Variants in NMBR observed in about 807,000 individuals in gnomAD.
NMBR encodes neuromedin-B receptor.
Under a neutral mutation model 20.5 loss-of-function variants are expected in NMBR, and 16 were observed. The ratio of observed to expected loss-of-function variants is 0.78; its 90% CI spans 0.53 to 1.19. The LOEUF (loss-of-function observed/expected upper bound fraction) is 1.19. NMBR is among the 50% of genes most tolerant of loss of function. The pLI is 0.00. For missense variants in NMBR, 582 were observed against 499.1 expected (o/e 1.17, Z -1.58); for synonymous variants, 212 against 196.6 (o/e 1.08, Z -0.65).
chr6:142,077,635 C>T (rs1349068032), intron 3 of NMBR, among the ~76,000 whole-genome samples: 1 of 152,140 alleles, frequency 6.6e-6, no homozygotes, highest in Non-Finnish European at 1.5e-5. Context: ...ACCTTCCATG[C>T]AAGAAAACTT....
At chr6:142,080,695 CT>C (rs1777077074) in intron 2 of NMBR, among the ~76,000 whole-genome samples, 1 of 152,112 alleles carries the variant, frequency 6.6e-6, no homozygotes, top group African/African-American at 2.4e-5. Context: ...GCTGTAATCT[CT>C]CCCAATAAAT....
intron 1 of NMBR, among the ~76,000 whole-genome samples, chr6:142,117,802 A>G (rs543891484): frequency 6.6e-6 from 1 of 152,120 alleles, no homozygotes; most frequent in South Asian, 2.1e-4. Flanking sequence ...GTTATAGTAT[A>G]CTTCTTTGCC....
In NMBR at chr6:142,082,367, A is replaced by G. The variant is rs372159682; in HGVS notation, c.423-3464T>C. ...GAGCAACAAGGAGATCCTTATTAGGAGCAATTGTGGTAAAGTGGGTGGGAG... is the reference window on the plus strand; with the variant it reads ...GAGCAACAAGGAGATCCTTATTAGGGGCAATTGTGGTAAAGTGGGTGGGAG... On this transcript the variant is annotated intron_variant, in intron 2 of 3. Transcript: ENST00000258042. 8.7e-4 allele frequency among the ~76,000 whole-genome samples: 133 copies of G among 152,276 alleles called. No homozygotes were observed. In the South Asian group the frequency reaches 0.01, roughly 12 times the overall value.
chr6:142,101,015 G>A (rs181673013), intron 1 of NMBR, among the ~76,000 whole-genome samples: 1 of 152,196 alleles, frequency 6.6e-6, no homozygotes, highest in African/African-American at 2.4e-5. Context: ...TCACAAATCA[G>A]GTAGCCTCCT....
intron 2 of NMBR, among the ~76,000 whole-genome samples, chr6:142,081,567 A>C (rs2114558519): frequency 6.6e-6 from 1 of 152,340 alleles, no homozygotes; most frequent in Non-Finnish European, 1.5e-5. Context: ...AAACAGAATT[A>C]GAGTTGAAAA....
intron 2 of NMBR, among the ~76,000 whole-genome samples, chr6:142,087,225 T>C (rs1777216251): frequency 1.3e-5 from 2 of 152,186 alleles, no homozygotes; most frequent in South Asian, 2.1e-4. Context: ...GAAATTCAGA[T>C]ACAGACTTAT....
intron 1 of NMBR, among the ~76,000 whole-genome samples, chr6:142,119,743 CA>C (rs555147057): frequency 4.3e-4 from 65 of 151,892 alleles, no homozygotes; most frequent in Non-Finnish European, 8.1e-4. Context: ...GTATCCAATA[CA>C]ATAAAAATAA....
Position 142,136,085 on chromosome 6 carries a change from G to T in NMBR, c.-664+10959C>A, listed in dbSNP as rs1582864796. 3.3e-5 allele frequency among the ~76,000 whole-genome samples: 5 copies of T among 152,242 alleles called. No individual in the cohort carries two copies. In the East Asian group the frequency reaches 5.8e-4, roughly 18 times the overall value. On this transcript the variant is annotated intron_variant, in intron 1 of 3. Transcript: ENST00000258042. ...GGAATCGCCACACTGACTTCCACAAGGGTTGAACTAGTTTACAGTCCCACC... is the reference window on the plus strand; with the variant it reads ...GGAATCGCCACACTGACTTCCACAATGGTTGAACTAGTTTACAGTCCCACC...
At chr6:142,110,337 T>TTCATTA (rs1157708731) in intron 1 of NMBR, among the ~76,000 whole-genome samples, 1 of 152,084 alleles carries the variant, frequency 6.6e-6, no homozygotes, top group Non-Finnish European at 1.5e-5. Context: ...AATCAACTAA[T>TTCATTA]GAATGGATTA....
intron 2 of NMBR, among the ~76,000 whole-genome samples, chr6:142,081,264 T>A (rs1777089348): frequency 6.6e-6 from 1 of 152,168 alleles, no homozygotes; most frequent in African/African-American, 2.4e-5. Flanking sequence ...GGAGTAGGAT[T>A]TCAACATATG....
intron 1 of NMBR, among the ~76,000 whole-genome samples, chr6:142,140,730 A>T (rs142708747): frequency 5.1e-4 from 78 of 152,296 alleles, no homozygotes; most frequent in African/African-American, 1.8e-3. Context: ...ATAGAAAATA[A>T]ATGGGAAAAG....
At chr6:142,110,928 G>A (rs544448035) in intron 1 of NMBR, among the ~76,000 whole-genome samples, 53 of 152,146 alleles carry the variant, frequency 3.5e-4, no homozygotes, top group African/African-American at 1.2e-3. Context: ...AAATAAAATC[G>A]AATTAGACAT....
chr6:142,088,151 G>T, intron 2 of NMBR, 86 bp downstream of exon 2: 5 of 1,357,046 alleles, frequency 3.7e-6, no homozygotes. Flanking sequence ...GCGTCCTTCT[G>T]CCAGTAGGTG....
intron 1 of NMBR, among the ~76,000 whole-genome samples, chr6:142,105,393 T>G (rs1010589131): frequency 6.6e-6 from 1 of 152,194 alleles, no homozygotes; most frequent in African/African-American, 2.4e-5. Context: ...AATTCTAGTT[T>G]TATGTTGTGT....
chr6:142,124,301 C>A (rs1214413106), intron 1 of NMBR, among the ~76,000 whole-genome samples: 1 of 151,850 alleles, frequency 6.6e-6, no homozygotes, highest in Non-Finnish European at 1.5e-5. Flanking sequence ...CAAGTTTATA[C>A]CTATTTGGTA....
chr6:142,085,322 G>A (rs894314517), intron 2 of NMBR, among the ~76,000 whole-genome samples: 1 of 152,108 alleles, frequency 6.6e-6, no homozygotes, highest in African/African-American at 2.4e-5. Context: ...TCAGCAGTTC[G>A]AGACCAGCCT....
chr6:142,101,460 A>T lies in NMBR; in HGVS notation c.-663-12139T>A, dbSNP rs78103095. ...TTGGTCTCAAAACCCATTGGGAAATAGCAGAACAGTGGGTTTTTTAAGGTT... is the reference window on the plus strand; with the variant it reads ...TTGGTCTCAAAACCCATTGGGAAATTGCAGAACAGTGGGTTTTTTAAGGTT... On this transcript the variant is annotated intron_variant, in intron 1 of 3. Coordinates refer to ENST00000258042, the MANE Select transcript of NMBR (RefSeq NM_002511.4). Among the ~76,000 whole-genome samples, 43 of 152,322 alleles carry T rather than the reference A, an allele frequency of 2.8e-4. No homozygotes were observed. The East Asian group carries it at 6.4e-3, about 23-fold the overall frequency.
intron 1 of NMBR, among the ~76,000 whole-genome samples, chr6:142,119,950 A>G (rs1777916662): frequency 6.6e-6 from 1 of 151,988 alleles, no homozygotes; most frequent in Non-Finnish European, 1.5e-5. Context: ...GCAAAAATTG[A>G]CATTGTACTT....
chr6:142,092,930 T>A (rs1487354148), intron 1 of NMBR, among the ~76,000 whole-genome samples: 6 of 152,116 alleles, frequency 3.9e-5, no homozygotes, highest in South Asian at 2.1e-4. Flanking sequence ...AATTAGTGAT[T>A]TAAAGAAGCT....
Sources: allele counts gnomAD v4.1 joint callset (sites outside exome capture counted in the v4.1 genomes callset), GRCh38; gene constraint gnomAD v4.1.1; transcripts MANE v1.5; gene names NCBI Gene and HGNC (gene_info 2026-07-23, HGNC 2026-07-21).